Variants in RABGEF1 observed in about 807,000 individuals in gnomAD.
The protein encoded by RABGEF1 is RAB guanine nucleotide exchange factor 1.
A neutral mutation model predicts 57.3 loss-of-function variants in RABGEF1; 26 were observed. The ratio of observed to expected loss-of-function variants is 0.45; its 90% CI spans 0.33 to 0.63. RABGEF1 has a LOEUF of 0.63. Ranked by LOEUF, RABGEF1 falls within the 20% of genes least tolerant of loss-of-function variation. The pLI is 0.02. For synonymous variants in RABGEF1, 185 were observed against 210.7 expected (o/e 0.88, Z 1.06); for missense variants, 464 against 607.6 (o/e 0.76, Z 2.48).
intron 1 of RABGEF1, among the ~76,000 whole-genome samples, chr7:66,706,485 C>A (rs1453233422): frequency 3.3e-5 from 5 of 152,044 alleles, no homozygotes; most frequent in Non-Finnish European, 7.4e-5. Context: ...TCTCTGCTTA[C>A]TGCACCCTTT....
intron 4 of RABGEF1, among the ~76,000 whole-genome samples, chr7:66,788,775 G>A (rs907759733): frequency 1.3e-5 from 2 of 151,960 alleles, no homozygotes; most frequent in African/African-American, 4.8e-5. Context: ...CCAACATAGT[G>A]AAATCCCGTC....
upstream of RABGEF1, among the ~76,000 whole-genome samples, chr7:66,679,998 C>T (rs908366235): frequency 2.0e-5 from 3 of 152,084 alleles, no homozygotes; most frequent in African/African-American, 7.2e-5. Flanking sequence ...GCTGAGATTG[C>T]AATACTGTGC....
At chr7:66,777,000 A>C (rs1458619627) in intron 3 of RABGEF1, among the ~76,000 whole-genome samples, 4 of 152,202 alleles carry the variant, frequency 2.6e-5, no homozygotes, top group Non-Finnish European at 5.9e-5. Flanking sequence ...TACCTACCAG[A>C]GGCACGTGAT....
upstream of RABGEF1, chr7:66,740,600 C>T (rs1460905103): frequency 6.6e-6 from 1 of 152,662 alleles, no homozygotes; most frequent in Non-Finnish European, 1.5e-5. Flanking sequence ...GATCCACTCG[C>T]ACTTCCTCCC....
intron 1 of RABGEF1, among the ~76,000 whole-genome samples, chr7:66,750,288 T>TA (rs1801123170): frequency 6.6e-6 from 1 of 152,260 alleles, no homozygotes; most frequent in Non-Finnish European, 1.5e-5. Flanking sequence ...TTCATACCCA[T>TA]ATGCTAACTG....
intron 1 of RABGEF1, among the ~76,000 whole-genome samples, chr7:66,755,042 C>T (rs534270576): frequency 3.8e-4 from 58 of 152,268 alleles, no homozygotes; most frequent in African/African-American, 1.4e-3. Context: ...CACCTGTAAT[C>T]CCAGCACTTT....
chr7:66,704,179 A>T (rs1294430625), intron 1 of RABGEF1, among the ~76,000 whole-genome samples: 2 of 152,218 alleles, frequency 1.3e-5, no homozygotes, highest in Admixed American at 1.3e-4. Flanking sequence ...TCACCACCAC[A>T]GCCACCTCTA....
chr7:66,685,734 T>G (rs2117058018), intron 1 of RABGEF1, among the ~76,000 whole-genome samples: 1 of 152,360 alleles, frequency 6.6e-6, no homozygotes, highest in East Asian at 1.9e-4. Flanking sequence ...TTACCAGTAC[T>G]TACTCATTGT....
intron 2 of RABGEF1, among the ~76,000 whole-genome samples, chr7:66,732,965 C>T (rs1039139427): frequency 6.6e-6 from 1 of 152,198 alleles, no homozygotes; most frequent in Non-Finnish European, 1.5e-5. Flanking sequence ...GCAAAAGTGG[C>T]AAGTCCAACC....
chr7:66,724,925 T>C (rs1938679157), intron 2 of RABGEF1, among the ~76,000 whole-genome samples: 1 of 152,214 alleles, frequency 6.6e-6, no homozygotes, highest in South Asian at 2.1e-4. Context: ...CCAAATCTGC[T>C]GTTAAGCTCA....
At chr7:66,715,132 TTTC>T (rs1348193113) in intron 2 of RABGEF1, among the ~76,000 whole-genome samples, 2 of 151,830 alleles carry the variant, frequency 1.3e-5, no homozygotes, top group Non-Finnish European at 2.9e-5. Context: ...TCCTTTCTTC[TTTC>T]TTCTTCTCCT....
At chr7:66,766,366 A>T (rs1023903775) in intron 1 of RABGEF1, among the ~76,000 whole-genome samples, 1 of 150,744 alleles carries the variant, frequency 6.6e-6, no homozygotes, top group East Asian at 1.9e-4. Flanking sequence ...TACCTTTTTG[A>T]TGGAATAAGT....
chr7:66,797,314 AAAAAAAAG>A, intron 5 of RABGEF1, 52 bp from the exon 6 acceptor site: 2 of 1,445,380 alleles, frequency 1.4e-6, no homozygotes, highest in Non-Finnish European at 1.8e-6. Flanking sequence ...TGCAAAAAAA[AAAAAAAAG>A]AGAGAGAAAA....
rs148593263 is a variant in RABGEF1 at position 66,809,052 on chromosome 7, A to T, written c.1244A>T (p.Asp415Val). The change falls in exon 9 of 9, where the codon GAT becomes GTT. Residue 415 changes from aspartate (D) to valine (V), a missense_variant. Asp to Val is a radical substitution (Grantham distance 152). Coordinates refer to ENST00000284957, the MANE Select transcript of RABGEF1 (RefSeq NM_014504.3). ...GTCAAGCAAATGTATAAGAACTTGG[A>T]TCTCTTGTCTCAGTTGAATGAACGA... ...LGVKQMYKNL[D>V]LLSQLNERQE... The T allele has an allele frequency of 6.8e-6, 11 of 1,614,040 alleles. No individual in the cohort carries two copies. The African/African-American group carries it at 1.2e-4, about 18-fold the overall frequency.
intron 2 of RABGEF1, among the ~76,000 whole-genome samples, chr7:66,717,925 T>C (rs1795587794): frequency 6.6e-6 from 1 of 152,204 alleles, no homozygotes; most frequent in Non-Finnish European, 1.5e-5. Flanking sequence ...CTGAACTCAT[T>C]GAGTTAATTT....
At chr7:66,692,153 G>T (rs1243559251) in intron 1 of RABGEF1, among the ~76,000 whole-genome samples, 4 of 152,162 alleles carry the variant, frequency 2.6e-5, no homozygotes, top group Non-Finnish European at 4.4e-5. Flanking sequence ...CTAGCACTCG[G>T]TAGCTCTACC....
At chr7:66,659,458 AAAAAAAG>A in the RABGEF1 span, among the ~76,000 whole-genome samples, 7 of 151,606 alleles carry the variant, frequency 4.6e-5, no homozygotes, top group Non-Finnish European at 4.4e-5. Context: ...TCTCAAAAAA[AAAAAAAG>A]AAAAAAGAAA....
chr7:66,681,318 A>C (rs1461036383), upstream of RABGEF1, among the ~76,000 whole-genome samples: 1 of 151,996 alleles, frequency 6.6e-6, no homozygotes, highest in East Asian at 1.9e-4. Context: ...GAAAGTAAAC[A>C]GTATCCAATT....
the RABGEF1 span, among the ~76,000 whole-genome samples, chr7:66,673,520 T>G: frequency 6.6e-6 from 1 of 150,840 alleles, no homozygotes; most frequent in Non-Finnish European, 1.5e-5. Flanking sequence ...GACATAGAGA[T>G]AAGATAGCAC....
Sources: allele counts gnomAD v4.1 joint callset (sites outside exome capture counted in the v4.1 genomes callset), GRCh38; gene constraint gnomAD v4.1.1; transcripts MANE v1.5; gene names NCBI Gene and HGNC (gene_info 2026-07-23, HGNC 2026-07-21).